INPP5K: variants seen among roughly 807,000 people sequenced by gnomAD.
INPP5K encodes inositol polyphosphate 5-phosphatase K.
In INPP5K, 35 loss-of-function variants were observed where a neutral mutation model predicts 53.5. That is an observed-to-expected ratio of 0.65 (90% confidence interval 0.50 to 0.87). The LOEUF is 0.87. Ranked by LOEUF, INPP5K falls within the 40% of genes least tolerant of loss-of-function variation. The pLI is 0.00. For missense variants in INPP5K, 550 were observed against 586.2 expected (o/e 0.94, Z 0.64); for synonymous variants, 253 against 232.8 (o/e 1.09, Z -0.79).
intron 3 of INPP5K, among the ~76,000 whole-genome samples, chr17:1,511,378 C>T (rs1186719251): frequency 1.3e-5 from 2 of 152,214 alleles, no homozygotes; most frequent in Non-Finnish European, 2.9e-5. Flanking sequence ...CAGCCAGTAG[C>T]TCTCCCTCTC....
intron 3 of INPP5K, among the ~76,000 whole-genome samples, chr17:1,511,040 A>T (rs2075294463): frequency 6.6e-6 from 1 of 152,136 alleles, no homozygotes; most frequent in African/African-American, 2.4e-5. Flanking sequence ...GTGAAAAAAA[A>T]ATAAGAAAAT....
chr17:1,495,940 C>T (rs1019730854), intron 11 of INPP5K, 61 bp from the exon 12 acceptor site: 41 of 1,480,902 alleles, frequency 2.8e-5, no homozygotes, highest in African/African-American at 2.8e-4. Context: ...CTTTCCATCA[C>T]CCCCGTTCCT....
chr17:1,509,962 C>T (rs2075268727), intron 3 of INPP5K, among the ~76,000 whole-genome samples, 163 bp from the exon 4 acceptor site: 1 of 152,240 alleles, frequency 6.6e-6, no homozygotes, highest in African/African-American at 2.4e-5. Flanking sequence ...CAAGCCTTTC[C>T]ATTCTTCTTC....
chr17:1,503,862 T>C (rs1004460913), intron 7 of INPP5K, among the ~76,000 whole-genome samples: 4 of 152,138 alleles, frequency 2.6e-5, no homozygotes, highest in African/African-American at 9.7e-5. Flanking sequence ...TCTCATTACA[T>C]CTTGGCTCAG....
rs189058700 is a variant in INPP5K at position 1,507,310 on chromosome 17, G to A, written c.667-221C>T. On this transcript the variant is annotated intron_variant, in intron 6 of 11. Coordinates refer to ENST00000421807, the MANE Select transcript of INPP5K (RefSeq NM_016532.4). ...TTACCAAGGCCCAGGGGAGGCAGCTGTCTGCCGTTTCCCAGTCCTTAGACT... is the reference window on the plus strand; with the variant it reads ...TTACCAAGGCCCAGGGGAGGCAGCTATCTGCCGTTTCCCAGTCCTTAGACT... 408 of 553,868 alleles carry A rather than the reference G, an allele frequency of 7.4e-4. 2 individuals carry two copies. Among genetic ancestry groups the A allele is most frequent in the African/African-American group, 7.0e-3 (366 of 52,562 alleles). 34.3% of individuals were successfully genotyped at this position (553,868 alleles called of 1,614,324 possible).
intron 7 of INPP5K, among the ~76,000 whole-genome samples, chr17:1,498,915 C>T (rs1192308339): frequency 6.6e-6 from 1 of 152,144 alleles, no homozygotes; most frequent in Non-Finnish European, 1.5e-5. Context: ...GCTCTCTTTA[C>T]AGGTGGAGAA....
chr17:1,501,178 T>G (rs1006848719), intron 7 of INPP5K, among the ~76,000 whole-genome samples: 2 of 152,140 alleles, frequency 1.3e-5, no homozygotes, highest in Non-Finnish European at 2.9e-5. Flanking sequence ...CAGGCTGGTC[T>G]TGAACTCCTG....
chr17:1,500,915 C>T (rs369020962), intron 7 of INPP5K, among the ~76,000 whole-genome samples: 62 of 151,360 alleles, frequency 4.1e-4, no homozygotes, highest in African/African-American at 1.2e-3. Flanking sequence ...TCCATATACT[C>T]GCAGTTGGAA....
At chr17:1,498,832 A>G (rs2074930839) in intron 7 of INPP5K, among the ~76,000 whole-genome samples, 1 of 152,172 alleles carries the variant, frequency 6.6e-6, no homozygotes, top group Non-Finnish European at 1.5e-5. Flanking sequence ...GCTGGCCTCA[A>G]AGGATCTTCC....
chr17:1,506,912 G>C, intron 7 of INPP5K, 68 bp downstream of exon 7: 1 of 1,101,230 alleles, frequency 9.1e-7, no homozygotes. Flanking sequence ...TTCTGAGACA[G>C]TTCCCATGCC....
intron 7 of INPP5K, among the ~76,000 whole-genome samples, chr17:1,505,740 G>A (rs1299966912): frequency 6.6e-6 from 1 of 152,142 alleles, no homozygotes; most frequent in East Asian, 1.9e-4. Flanking sequence ...TTTCTTCCCT[G>A]GCTAAATCCC....
At chr17:1,499,675 T>C (rs917276750) in intron 7 of INPP5K, among the ~76,000 whole-genome samples, 4 of 152,152 alleles carry the variant, frequency 2.6e-5, no homozygotes, top group African/African-American at 9.7e-5. Context: ...ACTGTGGCAG[T>C]TTCTAAGGCC....
chr17:1,503,462 C>G (rs940401322), intron 7 of INPP5K, among the ~76,000 whole-genome samples: 3 of 152,102 alleles, frequency 2.0e-5, no homozygotes, highest in African/African-American at 7.2e-5. Flanking sequence ...GGATTTCAGG[C>G]GTGAGCCACC....
intron 2 of INPP5K, 132 bp downstream of exon 2, chr17:1,513,740 G>C (rs2075364598): frequency 2.3e-6 from 2 of 877,174 alleles, no homozygotes; most frequent in South Asian, 3.2e-5. Flanking sequence ...CCAGAGACAT[G>C]GGACTGTCCC....
rs760997395 is a variant in INPP5K at position 1,508,178 on chromosome 17, C to A, written c.603G>T (p.Gly201=). The A allele has an allele frequency of 6.2e-7, 1 of 1,614,128 alleles. No homozygotes were observed. The highest frequency in any genetic ancestry group is 8.5e-7 in the Non-Finnish European group (1 of 1,180,008). ...GDMNFRIEDF[G]LHFVRESIKN... ...TAATGGATTCCCGAACAAAGTGCAACCCAAAGTCCTCGATCCGAAAGTTCA... is the reference window on the plus strand; with the variant it reads ...TAATGGATTCCCGAACAAAGTGCAAACCAAAGTCCTCGATCCGAAAGTTCA... Residue 201 remains glycine, a synonymous_variant, in exon 6 of 12, where the codon GGG becomes GGT. Transcript: ENST00000421807.
intron 3 of INPP5K, among the ~76,000 whole-genome samples, chr17:1,510,080 A>ATC (rs1348230660): frequency 3.9e-5 from 6 of 152,206 alleles, no homozygotes; most frequent in Admixed American, 3.9e-4. Context: ...TTGAAGTTAG[A>ATC]TCTGGGTTCA....
intron 1 of INPP5K, 39 bp downstream of exon 1, chr17:1,516,417 C>T: frequency 6.4e-7 from 1 of 1,573,466 alleles, no homozygotes; most frequent in Non-Finnish European, 8.6e-7. Context: ...GCGCCGATCC[C>T]CCCGAGCAGG....
chr17:1,496,156 G>C lies in INPP5K; in HGVS notation c.1194C>G (p.Ile398Met). 6.2e-7 allele frequency: 1 copy of C among 1,608,542 alleles called. No homozygotes were observed. The highest frequency in any genetic ancestry group is 8.5e-7 in the Non-Finnish European group (1 of 1,175,016). ...CAGTGGTAGGGATATTGCTGATGTC[G>C]ATGTAAACCTGGAGGGGGATGGACA... ...SCSDNLNQVY[I>M]DISNIPTTED... The change falls in exon 11 of 12, where the codon ATC becomes ATG. Residue 398 changes from isoleucine (I) to methionine (M), a missense_variant. Transcript: ENST00000421807.
At chr17:1,501,733 A>G (rs1266859904) in intron 7 of INPP5K, among the ~76,000 whole-genome samples, 1 of 152,150 alleles carries the variant, frequency 6.6e-6, no homozygotes, top group Non-Finnish European at 1.5e-5. Context: ...CAACTTGGTA[A>G]TGGGGCTGGG....
Sources: gnomAD v4.1 joint callset for allele counts (sites outside exome capture counted in the v4.1 genomes callset) on GRCh38, gnomAD v4.1.1 for gene constraint, MANE v1.5 for transcripts, NCBI Gene and HGNC (gene_info 2026-07-23, HGNC 2026-07-21) for gene names.